The following VAX2 variants were observed in gnomAD, a reference collection of about 807,000 sequenced individuals.
The protein encoded by VAX2 is ventral anterior homeobox 2.
VAX2 carries 8 observed loss-of-function variants against 12.5 expected under a neutral mutation model. That is an observed-to-expected ratio of 0.64 (90% CI 0.37 to 1.15). The LOEUF (loss-of-function observed/expected upper bound fraction) is 1.15, where lower values mean the gene tolerates loss of function less well. VAX2 is among the 50% of genes most tolerant of loss of function. The pLI is 0.01. For synonymous variants in VAX2, 183 were observed against 187.6 expected (o/e 0.98, Z 0.20); for missense variants, 476 against 412.9 (o/e 1.15, Z -1.32).
At chr2:70,911,462 T>C (rs1307804675) in intron 1 of VAX2, among the ~76,000 whole-genome samples, 1 of 152,182 alleles carries the variant, frequency 6.6e-6, no homozygotes, top group Non-Finnish European at 1.5e-5. Flanking sequence ...GAAAGCTCTA[T>C]AAAAATGCTG....
intron 1 of VAX2, among the ~76,000 whole-genome samples, chr2:70,916,717 A>C (rs1401317559): frequency 6.6e-6 from 1 of 152,166 alleles, no homozygotes; most frequent in South Asian, 2.1e-4. Flanking sequence ...TTTCCTGAGT[A>C]GTATCCCAGA....
chr2:70,925,551 T>C lies in VAX2; in HGVS notation c.435+4266T>C, dbSNP rs563343503. On this transcript the variant is annotated intron_variant, in intron 2 of 2. Transcript: ENST00000234392. ...GTTAAGTTTGAGATCCCAGCGGAGA[T>C]GTCAAGAAAGCATGTCAGATTTTGG... Among the ~76,000 whole-genome samples the C allele has an allele frequency of 1.0e-3, 154 of 152,254 alleles. 1 individual carries two copies. The highest frequency in any genetic ancestry group is 3.2e-3 in the African/African-American group (135 of 41,550).
At chr2:70,928,228 G>A (rs376767929) in intron 2 of VAX2, among the ~76,000 whole-genome samples, 265 of 152,350 alleles carry the variant, frequency 1.7e-3, no homozygotes, top group African/African-American at 6.1e-3. Flanking sequence ...GGGCTTGATG[G>A]TGGGAAGTAG....
chr2:70,901,000 A>C, intron 1 of VAX2, 132 bp downstream of exon 1: 1 of 1,010,930 alleles, frequency 9.9e-7, no homozygotes, highest in Non-Finnish European at 1.3e-6. Flanking sequence ...TCATTCAGCA[A>C]ATATTATTTT....
At chr2:70,913,505 T>C (rs574080515) in intron 1 of VAX2, among the ~76,000 whole-genome samples, 1 of 152,142 alleles carries the variant, frequency 6.6e-6, no homozygotes, top group African/African-American at 2.4e-5. Context: ...GGTGAAACCC[T>C]GCCTCTACTA....
intron 1 of VAX2, among the ~76,000 whole-genome samples, chr2:70,912,473 G>A (rs782471486): frequency 1.3e-5 from 2 of 152,048 alleles, no homozygotes; most frequent in Admixed American, 6.5e-5. Flanking sequence ...ACCAGCCTGG[G>A]CAACATGGCG....
intron 2 of VAX2, among the ~76,000 whole-genome samples, chr2:70,925,598 G>A (rs773016463): frequency 2.0e-5 from 3 of 152,248 alleles, no homozygotes; most frequent in South Asian, 4.2e-4. Context: ...GTTTTTCTCT[G>A]GTTTAAGTTA....
chr2:70,916,108 C>T (rs1020948688), intron 1 of VAX2, among the ~76,000 whole-genome samples: 1 of 152,158 alleles, frequency 6.6e-6, no homozygotes, highest in Non-Finnish European at 1.5e-5. Context: ...AATACAGAGA[C>T]ACTATCGTGT....
intron 1 of VAX2, among the ~76,000 whole-genome samples, chr2:70,917,655 T>G (rs1319002334): frequency 2.0e-5 from 3 of 152,222 alleles, no homozygotes; most frequent in Non-Finnish European, 4.4e-5. Context: ...GTTTTAATAT[T>G]TGGTGGCAAG....
rs188033556 is a variant in VAX2, at chr2:70,914,152, C to T, written c.248-6946C>T. ...TGTGTTTCTCTAGGACAAATACCAA[C>T]GAAAATAAAATCAGGCCAGGTGCGG... On this transcript the variant is annotated intron_variant, in intron 1 of 2. Transcript: ENST00000234392. Among the ~76,000 whole-genome samples the T allele has an allele frequency of 2.3e-3, 355 of 152,124 alleles. 6 individuals are homozygous for T. The highest frequency in any genetic ancestry group is 0.01 in the East Asian group (54 of 5,168).
rs199781570 is a variant in VAX2 at position 70,921,161 on chromosome 2, G to A, written c.311G>A (p.Arg104Gln). The A allele has an allele frequency of 2.1e-4, 338 of 1,613,386 alleles. No individual in the cohort carries two copies. Among genetic ancestry groups the A allele is most frequent in the Admixed American group, 8.2e-4 (49 of 59,942 alleles). ...PKGLDLDRPK[R>Q]TRTSFTAEQL... Reference sequence around the variant, plus strand: ...GGCCTGGACCTGGACCGGCCCAAGCGGACACGTACATCCTTCACTGCCGAG... The same window carrying A: ...GGCCTGGACCTGGACCGGCCCAAGCAGACACGTACATCCTTCACTGCCGAG... Residue 104 changes from arginine (R) to glutamine (Q), a missense_variant, in exon 2 of 3, where the codon CGG (arginine) becomes CAG (glutamine). Physicochemically the swap from Arg to Gln is conservative, Grantham distance 43 (BLOSUM62 1). Coordinates refer to ENST00000234392, the MANE Select transcript of VAX2 (RefSeq NM_012476.3).
chr2:70,919,778 A>G (rs1237317463), intron 1 of VAX2, among the ~76,000 whole-genome samples: 1 of 152,196 alleles, frequency 6.6e-6, no homozygotes, highest in Non-Finnish European at 1.5e-5. Flanking sequence ...ATTGAACCCT[A>G]GAGGTCGAGA....
intron 1 of VAX2, among the ~76,000 whole-genome samples, chr2:70,918,854 C>T (rs1553412416): frequency 1.9e-5 from 2 of 105,454 alleles, no homozygotes; most frequent in Admixed American, 2.0e-4. Context: ...CACAGCACTC[C>T]AGCCGTCTCA....
Position 70,921,091 on chromosome 2 carries a change from T to C in VAX2, c.248-7T>C, listed in dbSNP as rs781886599. The C allele has an allele frequency of 5.1e-6, 8 of 1,582,446 alleles. No individual in the cohort carries two copies. The South Asian group carries it at 9.3e-5, about 18-fold the overall frequency. On this transcript the variant is annotated splice_region_variant and splice_polypyrimidine_tract_variant and intron_variant, in intron 1 of 2. Coordinates refer to ENST00000234392, the MANE Select transcript of VAX2 (RefSeq NM_012476.3). Reference sequence around the variant, plus strand: ...AACTAAGCTGGCTCCTTTCATGGCCTCTGCAGATGCCAAAGGGACAATTCG... The same window carrying C: ...AACTAAGCTGGCTCCTTTCATGGCCCCTGCAGATGCCAAAGGGACAATTCG...
Position 70,900,700 on chromosome 2 carries a change from G to T in VAX2, c.79G>T (p.Asp27Tyr). 1.5e-6 allele frequency: 2 copies of T among 1,345,300 alleles called. No homozygotes were observed. 83.3% of individuals were successfully genotyped at this position (1,345,300 alleles called of 1,614,324 possible). ...ESGGGGGRCGDRSGAGDLRAD... is the reference protein window; with the variant it reads ...ESGGGGGRCGYRSGAGDLRAD... ...TGGTGGCGGCGGTGGGCGCTGCGGAGACCGCAGCGGAGCGGGGGACTTGCG... is the reference window on the plus strand; with the variant it reads ...TGGTGGCGGCGGTGGGCGCTGCGGATACCGCAGCGGAGCGGGGGACTTGCG... Residue 27 changes from aspartate to tyrosine, a missense_variant, in exon 1 of 3, where the codon GAC (aspartate) becomes TAC (tyrosine). Asp to Tyr is a radical substitution (Grantham distance 160). Coordinates refer to ENST00000234392, the MANE Select transcript of VAX2 (RefSeq NM_012476.3).
At chr2:70,917,513 T>C (rs1046342962) in intron 1 of VAX2, among the ~76,000 whole-genome samples, 7 of 152,192 alleles carry the variant, frequency 4.6e-5, no homozygotes, top group African/African-American at 1.7e-4. Flanking sequence ...CCCTGCATCC[T>C]CACCAGCTTT....
At position 70,932,966 on chromosome 2, in the gene VAX2, C is replaced by A. The variant is rs1679734113; in HGVS notation, c.635C>A (p.Ala212Asp). 2 of 1,611,396 alleles carry A rather than the reference C, an allele frequency of 1.2e-6. No individual in the cohort carries two copies. The highest frequency in any genetic ancestry group is 1.7e-6 in the Non-Finnish European group (2 of 1,178,610). ...ALTPSLPGLPASHRGTSLGDP... is the reference protein window; with the variant it reads ...ALTPSLPGLPDSHRGTSLGDP... The stretch of plus-strand genomic sequence containing the variant: ...ACCCCTAGCCTGCCAGGCCTACCTG[C>A]CAGCCACAGGGGCACCTCCTTAGGT... The change falls in exon 3 of 3, where the codon GCC becomes GAC. Residue 212 changes from alanine (A) to aspartate (D), a missense_variant. Physicochemically the swap from Ala to Asp is moderately radical, Grantham distance 126 (BLOSUM62 -2). Transcript: ENST00000234392.
chr2:70,915,978 T>G (rs1679298912), intron 1 of VAX2, among the ~76,000 whole-genome samples: 1 of 152,240 alleles, frequency 6.6e-6, no homozygotes, highest in South Asian at 2.1e-4. Flanking sequence ...AGCCTCACCC[T>G]AAGCCTATAA....
intron 2 of VAX2, 103 bp downstream of exon 2, chr2:70,921,388 G>A (rs1192316588): frequency 5.5e-5 from 73 of 1,326,256 alleles, no homozygotes; most frequent in Non-Finnish European, 7.0e-5. Flanking sequence ...CAACTTTGGA[G>A]GAGTTCAGAC....
Sources: gnomAD v4.1 joint callset for allele counts (sites outside exome capture counted in the v4.1 genomes callset) on GRCh38, gnomAD v4.1.1 for gene constraint, MANE v1.5 for transcripts, NCBI Gene and HGNC (gene_info 2026-07-23, HGNC 2026-07-21) for gene names.